TPST1: variants seen among roughly 807,000 people sequenced by gnomAD.
TPST1 encodes tyrosylprotein sulfotransferase 1, also known as protein-tyrosine sulfotransferase 1.
TPST1 carries 20 observed loss-of-function variants against 34.8 expected under a neutral mutation model. The ratio of observed to expected loss-of-function variants is 0.57; its 90% confidence interval spans 0.40 to 0.84. The LOEUF (loss-of-function observed/expected upper bound fraction) is 0.84. TPST1 is among the 40% of genes least tolerant of loss of function. The pLI is 0.00. For missense variants in TPST1, 353 were observed against 455.5 expected (o/e 0.78, Z 2.05); for synonymous variants, 152 against 159.4 (o/e 0.95, Z 0.35).
Position 66,296,256 on chromosome 7 carries a change from CCTCCCCCA to C in TPST1, c.1044+9549_1044+9556del, listed in dbSNP as rs1223166405. 6.3e-4 allele frequency among the ~76,000 whole-genome samples: 26 copies of C among 41,462 alleles called. 1 individual carries two copies. The highest frequency in any genetic ancestry group is 3.3e-3 in the East Asian group (6 of 1,838). 27.2% of individuals were successfully genotyped at this position (41,462 alleles called of 152,430 possible). A position where few individuals can be genotyped will look rare whatever the true frequency, so the allele number is the denominator to read the frequency against. On this transcript the variant is annotated intron_variant, in intron 3 of 5. Transcript: ENST00000304842. ...AAAAAACACCCACCCTTCCCCCCCC[CCTCCCCCA>C]CCGTCTCTGCCTATCTTTAAAGTGA...
At chr7:66,250,430 C>T (rs959175759) in intron 2 of TPST1, among the ~76,000 whole-genome samples, 8 of 152,152 alleles carry the variant, frequency 5.3e-5, no homozygotes, top group East Asian at 1.9e-4. Context: ...GCTAAGCACA[C>T]GTTTTAGAGT....
At chr7:66,309,046 C>T (rs1206087449) in intron 3 of TPST1, among the ~76,000 whole-genome samples, 8 of 152,124 alleles carry the variant, frequency 5.3e-5, no homozygotes, top group African/African-American at 1.7e-4. Flanking sequence ...TACAGGTGCC[C>T]GACACCATGC....
Position 66,240,628 on chromosome 7 carries a change from A to G in TPST1, c.203A>G (p.Asp68Gly). The change falls in exon 2 of 6, where the codon GAT (aspartate) becomes GGT (glycine). Residue 68 changes from aspartate to glycine, a missense_variant. Transcript: ENST00000304842. Reference protein sequence around the residue: ...KANKTFAYHKDMPLIFIGGVP... With the variant: ...KANKTFAYHKGMPLIFIGGVP... ...AACAAAACCTTTGCCTATCACAAAGATATGCCTTTAATATTTATTGGAGGT... is the reference window on the plus strand; with the variant it reads ...AACAAAACCTTTGCCTATCACAAAGGTATGCCTTTAATATTTATTGGAGGT... The G allele has an allele frequency of 6.2e-7, 1 of 1,614,184 alleles. No individual in the cohort carries two copies.
rs1193239235 is a variant in TPST1, at chr7:66,360,050, G to C, written c.*185G>C. The C allele has an allele frequency of 2.3e-6, 1 of 438,066 alleles. No homozygotes were observed. Among genetic ancestry groups the C allele is most frequent in the Non-Finnish European group, 4.7e-6 (1 of 214,656 alleles). The allele number at this position is 438,066 out of a possible 1,614,324, so 27.1% of individuals were successfully genotyped here. A position where few individuals can be genotyped will look rare whatever the true frequency, so the allele number is the denominator to read the frequency against. On this transcript the variant is annotated 3_prime_UTR_variant, in exon 6 of 6. Coordinates refer to ENST00000304842, the MANE Select transcript of TPST1 (RefSeq NM_003596.4). ...AGGTGTCCGCACAGCTTTGGGCCTC[G>C]TGAGGGATCTGCCTCCTGAGCAAAG...
intron 3 of TPST1, among the ~76,000 whole-genome samples, chr7:66,321,035 A>G (rs1791746454): frequency 1.3e-5 from 2 of 152,240 alleles, no homozygotes; most frequent in African/African-American, 4.8e-5. Context: ...TGTTGGGAGT[A>G]TGCCTGGGAG....
chr7:66,241,015 A>G lies in TPST1; in HGVS notation c.590A>G (p.Lys197Arg). 6.2e-7 allele frequency: 1 copy of G among 1,614,188 alleles called. No homozygotes were observed. Among genetic ancestry groups the G allele is most frequent in the East Asian group, 2.2e-5 (1 of 44,888 alleles). ...TCAGTACATTCAATGATTTCTCGAA[A>G]AGTTACTATAGCTGGATTTGATCTG... ...RASVHSMISR[K>R]VTIAGFDLNS... The change falls in exon 2 of 6, where the codon AAA (lysine) becomes AGA (arginine). Residue 197 changes from lysine to arginine, a missense_variant. Transcript: ENST00000304842.
intron 2 of TPST1, among the ~76,000 whole-genome samples, chr7:66,251,667 ACTT>A (rs932901032): frequency 6.6e-6 from 1 of 152,098 alleles, no homozygotes; most frequent in African/African-American, 2.4e-5. Flanking sequence ...CTCTGAAACT[ACTT>A]GGAGGTGACC....
chr7:66,264,755 T>C (rs1357773877), intron 2 of TPST1, among the ~76,000 whole-genome samples: 1 of 152,054 alleles, frequency 6.6e-6, no homozygotes, highest in Non-Finnish European at 1.5e-5. Context: ...AACAAAAAAG[T>C]GTAAGATATG....
At chr7:66,218,330 T>G (rs6952182) in intron 1 of TPST1, among the ~76,000 whole-genome samples, 100,883 of 151,976 alleles carry the variant, frequency 0.66, 33,904 homozygotes, top group African/African-American at 0.76. Flanking sequence ...TTAGTTTCTT[T>G]TCTTCTCTCC....
chr7:66,344,438 A>T (rs1368535332), intron 3 of TPST1: 2 of 152,176 alleles, frequency 1.3e-5, no homozygotes, highest in Non-Finnish European at 2.9e-5. Flanking sequence ...TTTTAGATGG[A>T]GTCTCACTCT....
Position 66,356,849 on chromosome 7 carries a change from C to G in TPST1, c.*7C>G. 1 of 1,614,142 alleles carries G rather than the reference C, an allele frequency of 6.2e-7. No homozygotes were observed. Among genetic ancestry groups the G allele is most frequent in the East Asian group, 2.2e-5 (1 of 44,882 alleles). On this transcript the variant is annotated 3_prime_UTR_variant, in exon 5 of 6. Coordinates refer to ENST00000304842, the MANE Select transcript of TPST1 (RefSeq NM_003596.4). ...GACTGAGCAAGTGGAGTAGCAGAAC[C>G]AGGAGCCTCTTCCATACATGAGGTG...
intron 2 of TPST1, among the ~76,000 whole-genome samples, 190 bp from the exon 3 acceptor site, chr7:66,286,321 A>G (rs1299455692): frequency 2.6e-5 from 4 of 152,180 alleles, no homozygotes; most frequent in South Asian, 2.1e-4. Context: ...GAGATTGCCA[A>G]TAATCCCTGT....
chr7:66,250,859 C>G (rs1790247364), intron 2 of TPST1, among the ~76,000 whole-genome samples: 1 of 152,170 alleles, frequency 6.6e-6, no homozygotes. Flanking sequence ...TACAGTCCAT[C>G]TGATAACAGA....
At chr7:66,326,088 A>C (rs1791861200) in intron 3 of TPST1, among the ~76,000 whole-genome samples, 1 of 152,186 alleles carries the variant, frequency 6.6e-6, no homozygotes, top group Admixed American at 6.5e-5. Flanking sequence ...TTTTATGTTC[A>C]ATCTATGCTG....
intron 3 of TPST1, among the ~76,000 whole-genome samples, chr7:66,312,811 T>C (rs13231220): frequency 2.6e-5 from 4 of 151,994 alleles, no homozygotes; most frequent in Non-Finnish European, 4.4e-5. Context: ...TGAAGATTGA[T>C]AGATGAGAGA....
At chr7:66,227,534 C>T (rs1309507053) in intron 1 of TPST1, among the ~76,000 whole-genome samples, 3 of 152,046 alleles carry the variant, frequency 2.0e-5, no homozygotes, top group Non-Finnish European at 4.4e-5. Flanking sequence ...GCAATCCTCC[C>T]ACCTCAGCTT....
chr7:66,274,782 A>G (rs184871907), intron 2 of TPST1, among the ~76,000 whole-genome samples: 34 of 152,342 alleles, frequency 2.2e-4, no homozygotes, highest in African/African-American at 8.2e-4. Context: ...ATAGACATTT[A>G]TCAAAAGAAG....
At chr7:66,300,036 T>C (rs1791282550) in intron 3 of TPST1, among the ~76,000 whole-genome samples, 1 of 152,094 alleles carries the variant, frequency 6.6e-6, no homozygotes, top group Admixed American at 6.5e-5. Context: ...GAAAACACAA[T>C]GCATATGCCT....
chr7:66,242,229 A>T (rs935050599), intron 2 of TPST1, among the ~76,000 whole-genome samples: 4 of 151,928 alleles, frequency 2.6e-5, no homozygotes, highest in African/African-American at 9.7e-5. Flanking sequence ...TTTTTCTTTT[A>T]TCAAAGTAAT....
Sources: allele counts gnomAD v4.1 joint callset (sites outside exome capture counted in the v4.1 genomes callset), GRCh38; gene constraint gnomAD v4.1.1; transcripts MANE v1.5; gene names NCBI Gene and HGNC (gene_info 2026-07-23, HGNC 2026-07-21).